RTN4: variants seen among roughly 807,000 people sequenced by gnomAD.
The protein encoded by RTN4 is reticulon 4.
A neutral mutation model predicts 90.4 loss-of-function variants in RTN4; 32 were observed. The observed-to-expected ratio is 0.35, with a 90% CI of 0.27 to 0.48. The LOEUF (loss-of-function observed/expected upper bound fraction) is 0.48, where lower values mean the gene tolerates loss of function less well. RTN4 is among the 20% of genes least tolerant of loss of function. The pLI, the probability that RTN4 is intolerant of heterozygous loss-of-function variation, is 0.99. For missense variants in RTN4, 1,706 were observed against 1,430.2 expected, an observed-to-expected ratio of 1.19 and a Z score of -3.11; for synonymous variants, 629 against 552.5, an observed-to-expected ratio of 1.14 and a Z score of -1.94.
chr2:55,022,006 T>G (rs1300814316), intron 3 of RTN4, among the ~76,000 whole-genome samples: 1 of 152,220 alleles, frequency 6.6e-6, no homozygotes, highest in Non-Finnish European at 1.5e-5. Flanking sequence ...TTGCTTACAC[T>G]TTCTTCCACC....
At chr2:55,096,807 G>C (rs894429148) in intron 1 of RTN4, among the ~76,000 whole-genome samples, 2 of 151,940 alleles carry the variant, frequency 1.3e-5, no homozygotes, top group South Asian at 4.1e-4. Flanking sequence ...TGTTTATTAA[G>C]CTTCTGTCCT....
chr2:55,015,701 T>A (rs1478330457), intron 3 of RTN4, among the ~76,000 whole-genome samples: 1 of 152,224 alleles, frequency 6.6e-6, no homozygotes. Flanking sequence ...TAGTACAGAA[T>A]GTCCAGAAGA....
At chr2:55,055,823 G>A (rs1668181170), upstream of RTN4, among the ~76,000 whole-genome samples, 1 of 151,248 alleles carries the variant, frequency 6.6e-6, no homozygotes, top group Admixed American at 6.6e-5. Context: ...TCTAGGCTCT[G>A]GTGATAAATA....
At chr2:55,043,984 T>G (rs1479093820) in intron 1 of RTN4, among the ~76,000 whole-genome samples, 2 of 151,960 alleles carry the variant, frequency 1.3e-5, no homozygotes, top group Non-Finnish European at 2.9e-5. Flanking sequence ...CTGCTTGACC[T>G]CAGGAATTTG....
At chr2:55,044,500 C>T (rs1683285400) in intron 1 of RTN4, among the ~76,000 whole-genome samples, 1 of 151,964 alleles carries the variant, frequency 6.6e-6, no homozygotes, top group Non-Finnish European at 1.5e-5. Context: ...TGCTTCAGGC[C>T]CCAAGTTTGA....
intron 1 of RTN4, among the ~76,000 whole-genome samples, chr2:55,030,896 T>C (rs1245381735): frequency 6.6e-6 from 1 of 152,140 alleles, no homozygotes; most frequent in Non-Finnish European, 1.5e-5. Flanking sequence ...TTAGCAGAAA[T>C]ATTGCATTGA....
chr2:55,102,433 C>G (rs1000969486), intron 1 of RTN4, among the ~76,000 whole-genome samples: 2 of 152,156 alleles, frequency 1.3e-5, no homozygotes, highest in Non-Finnish European at 1.5e-5. Context: ...ATAAACTACA[C>G]ATAAACAAAG....
At chr2:55,071,252 T>G (rs1282180838) in intron 2 of RTN4, among the ~76,000 whole-genome samples, 1 of 151,962 alleles carries the variant, frequency 6.6e-6, no homozygotes, top group Non-Finnish European at 1.5e-5. Flanking sequence ...TCATCCTGGG[T>G]CCTATTACTA....
chr2:55,095,151 C>A (rs774606820), intron 1 of RTN4, among the ~76,000 whole-genome samples: 10 of 152,146 alleles, frequency 6.6e-5, no homozygotes, highest in Admixed American at 5.2e-4. Context: ...GGTGAAACCC[C>A]GTCTGTACTT....
Position 54,973,124 on chromosome 2 carries a change from A to AGAT in RTN4, c.*29_*31dup, listed in dbSNP as rs747770885. The AGAT allele has an allele frequency of 2.0e-5, 32 of 1,582,474 alleles. No individual in the cohort carries two copies. In the East Asian group the frequency reaches 2.0e-4, roughly 10 times the overall value. ...ATAATCAAATGAATATCCCCTTTAA[A>AGAT]GATGAACTCCTACTAATTATTTTGG... On this transcript the variant is annotated 3_prime_UTR_variant, in exon 9 of 9. Coordinates refer to ENST00000337526, the MANE Select transcript of RTN4 (RefSeq NM_020532.5).
At position 55,026,936 on chromosome 2, in the gene RTN4, T is replaced by G; in HGVS notation, c.1163A>C (p.Lys388Thr). 8 of 1,613,664 alleles carry G rather than the reference T, an allele frequency of 5.0e-6. No homozygotes were observed. Among genetic ancestry groups the G allele is most frequent in the Non-Finnish European group, 5.9e-6 (7 of 1,179,888 alleles). ...APMREEYADF[K>T]PFERVWEVKD... The stretch of plus-strand genomic sequence containing the variant: ...CACTTCCCATACTCGCTCAAATGGT[T>G]TGAAGTCTGCATATTCCTCCCTCAT... The change falls in exon 3 of 9, where the codon AAA becomes ACA. Residue 388 changes from lysine (K) to threonine (T), a missense_variant. By Grantham distance (78) the Lys-to-Thr change is moderately conservative. Transcript: ENST00000337526.
the RTN4 span, among the ~76,000 whole-genome samples, chr2:55,127,546 T>C: frequency 6.6e-6 from 1 of 152,212 alleles, no homozygotes. Flanking sequence ...TAAGTCCATA[T>C]TATACTTCTT....
At chr2:55,099,485 G>C (rs1005168415) in intron 1 of RTN4, among the ~76,000 whole-genome samples, 3 of 152,022 alleles carry the variant, frequency 2.0e-5, no homozygotes, top group African/African-American at 7.3e-5. Context: ...GGGATCCCTT[G>C]TTCATTTCCT....
At chr2:54,992,968 G>A (rs1305193870) in intron 3 of RTN4, among the ~76,000 whole-genome samples, 1 of 151,312 alleles carries the variant, frequency 6.6e-6, no homozygotes, top group Non-Finnish European at 1.5e-5. Context: ...CAGCTACTCA[G>A]GAGGCTGAGG....
In RTN4 at chr2:55,027,159, C is replaced by A; in HGVS notation, c.940G>T (p.Val314Leu). ...FSVSPKAESA[V>L]IVANPREEII... is the part of the protein sequence containing the mutation. ...TCTTCCCTAGGATTTGCTACTATTA[C>A]GGCAGATTCTGCTTTTGGAGAGACA... The change falls in exon 3 of 9, where the codon GTA (valine) becomes TTA (leucine). Residue 314 changes from valine to leucine, a missense_variant. Coordinates refer to ENST00000337526, the MANE Select transcript of RTN4 (RefSeq NM_020532.5). The A allele has an allele frequency of 6.2e-7, 1 of 1,613,588 alleles. No homozygotes were observed. The highest frequency in any genetic ancestry group is 8.5e-7 in the Non-Finnish European group (1 of 1,179,798).
the RTN4 span, among the ~76,000 whole-genome samples, chr2:55,135,456 C>T: frequency 6.6e-6 from 1 of 152,200 alleles, no homozygotes; most frequent in African/African-American, 2.4e-5. Flanking sequence ...ATCTGCCCAC[C>T]TCAGCCTCCC....
At chr2:55,105,789 T>C (rs1040358303) in intron 1 of RTN4, among the ~76,000 whole-genome samples, 2 of 151,908 alleles carry the variant, frequency 1.3e-5, no homozygotes, top group Non-Finnish European at 2.9e-5. Context: ...CTGGGCAACA[T>C]AGAGAGACAC....
At chr2:55,099,143 T>G (rs542726834) in intron 1 of RTN4, among the ~76,000 whole-genome samples, 1 of 152,132 alleles carries the variant, frequency 6.6e-6, no homozygotes, top group Non-Finnish European at 1.5e-5. Context: ...AACAAGAACT[T>G]CACCTCATGC....
upstream of RTN4, chr2:55,050,637 G>C (rs1406269300): frequency 4.8e-6 from 1 of 210,206 alleles, no homozygotes; most frequent in African/African-American, 2.3e-5. This position sits in a 1 kb window ranked among gnomAD's most constrained non-coding sequence, Gnocchi z 4.6. Context: ...ACAGGATCGA[G>C]AAGATAGGCG....
Sources: allele counts gnomAD v4.1 joint callset (sites outside exome capture counted in the v4.1 genomes callset), GRCh38; gene constraint gnomAD v4.1.1; non-coding constraint Gnocchi (gnomAD v3.1); transcripts MANE v1.5; gene names NCBI Gene and HGNC (gene_info 2026-07-23, HGNC 2026-07-21).